Variants in BABAM2 observed in about 807,000 individuals in gnomAD.
BABAM2 encodes the protein BRISC and BRCA1 A complex member 2, also known as BRISC and BRCA1-A complex member 2.
In BABAM2, 31 loss-of-function variants were observed where a neutral mutation model predicts 54.7. The observed-to-expected ratio is 0.57, with a 90% CI of 0.43 to 0.77. BABAM2 has a LOEUF of 0.77. BABAM2 is among the 30% of genes least tolerant of loss of function. The pLI, the probability that BABAM2 is intolerant of heterozygous loss-of-function variation, is 0.00. For synonymous variants in BABAM2, 167 were observed against 162.9 expected (o/e 1.03, Z -0.19); for missense variants, 364 against 455.8 (o/e 0.80, Z 1.83).
At chr2:27,919,366 A>G (rs533778711) in intron 2 of BABAM2, among the ~76,000 whole-genome samples, 123 of 152,348 alleles carry the variant, frequency 8.1e-4, no homozygotes, top group African/African-American at 2.9e-3. Flanking sequence ...CATCCTGGCT[A>G]AGACCTCCAG....
intron 7 of BABAM2, among the ~76,000 whole-genome samples, chr2:28,144,539 A>G (rs1671334823): frequency 6.6e-6 from 1 of 152,214 alleles, no homozygotes; most frequent in African/African-American, 2.4e-5. Context: ...ATTCTTCAGA[A>G]CATGCATGGA....
intron 7 of BABAM2, among the ~76,000 whole-genome samples, chr2:28,164,535 T>TAA (rs143968314): frequency 2.0e-5 from 3 of 147,900 alleles, no homozygotes; most frequent in African/African-American, 5.0e-5. Flanking sequence ...TCCAATGCAT[T>TAA]AAAAAAAAAA....
chr2:28,178,991 G>A (rs1056932346), intron 7 of BABAM2, among the ~76,000 whole-genome samples: 21 of 152,082 alleles, frequency 1.4e-4, no homozygotes, highest in South Asian at 4.2e-4. Context: ...GATTGAATCC[G>A]TAATAAAAAC....
intron 2 of BABAM2, among the ~76,000 whole-genome samples, chr2:27,895,340 C>T (rs955787955): frequency 6.6e-6 from 1 of 152,184 alleles, no homozygotes; most frequent in Non-Finnish European, 1.5e-5. Flanking sequence ...CCAACAGTGA[C>T]AGTTCCTCAA....
intron 11 of BABAM2, among the ~76,000 whole-genome samples, chr2:28,315,433 TTTCTTTTC>T (rs1689457755): frequency 2.9e-5 from 1 of 34,512 alleles, no homozygotes; most frequent in African/African-American, 8.3e-5. Flanking sequence ...TTTCTTTTCT[TTTCTTTTC>T]TTTTCTTTTC....
intron 11 of BABAM2, among the ~76,000 whole-genome samples, chr2:28,320,211 C>T (rs142921109): frequency 4.3e-4 from 65 of 152,338 alleles, no homozygotes; most frequent in Admixed American, 1.0e-3. Flanking sequence ...GGCAGCGAGC[C>T]GACAGCAGCC....
intron 3 of BABAM2, among the ~76,000 whole-genome samples, chr2:27,930,811 A>G (rs1668038409): frequency 1.3e-5 from 2 of 152,220 alleles, no homozygotes; most frequent in African/African-American, 2.4e-5. Context: ...TAGTGTGGAA[A>G]TCACAGTGGC....
intron 3 of BABAM2, among the ~76,000 whole-genome samples, chr2:27,983,952 T>TTTTTTTTTTTTTTTTTTTTTTTTTTTTC (rs1672209970): frequency 7.2e-6 from 1 of 139,480 alleles, no homozygotes; most frequent in African/African-American, 2.7e-5. Flanking sequence ...CTTTTTTTTT[T>TTTTTTTTTTTTTTTTTTTTTTTTTTTTC]TTTTTTTTTG....
At position 28,173,240 on chromosome 2, in the gene BABAM2, G is replaced by A. The variant is rs183914824; in HGVS notation, c.680+43860G>A. Among the ~76,000 whole-genome samples, 520 of 152,232 alleles carry A rather than the reference G, an allele frequency of 3.4e-3. 8 individuals are homozygous for A. The South Asian group carries it at 0.038, about 11-fold the overall frequency. ...CCTTGTGGGGGTTGCCCTGGTACAG[G>A]TTACCATTTACTTCTGATAAGACTC... On this transcript the variant is annotated intron_variant, in intron 7 of 11. Coordinates refer to ENST00000379624, the MANE Select transcript of BABAM2 (RefSeq NM_199191.3).
chr2:27,932,015 T>C (rs2148356417), intron 3 of BABAM2, among the ~76,000 whole-genome samples: 1 of 152,340 alleles, frequency 6.6e-6, no homozygotes, highest in African/African-American at 2.4e-5. Context: ...CCTGCATAAT[T>C]ATCACTGTGA....
intron 4 of BABAM2, among the ~76,000 whole-genome samples, chr2:28,002,008 T>A (rs1218450775): frequency 3.4e-5 from 5 of 148,752 alleles, no homozygotes; most frequent in Non-Finnish European, 5.9e-5. Flanking sequence ...TGATGAATTG[T>A]AGCAGTTAGA....
intron 2 of BABAM2, among the ~76,000 whole-genome samples, chr2:27,899,613 C>G (rs1665624631): frequency 1.3e-5 from 2 of 152,024 alleles, no homozygotes; most frequent in Admixed American, 1.3e-4. Context: ...GCTACAGCGT[C>G]CGCCACCATG....
In BABAM2 at chr2:28,016,327, C is replaced by T. The variant is rs907257398; in HGVS notation, c.301-8899C>T. 2.6e-6 allele frequency: 3 copies of T among 1,134,270 alleles called. No individual in the cohort carries two copies. In the African/African-American group the frequency reaches 4.6e-5, roughly 17 times the overall value. 70.3% of individuals were successfully genotyped at this position (1,134,270 alleles called of 1,614,324 possible). A position where few individuals can be genotyped will look rare whatever the true frequency, so the allele number is the denominator to read the frequency against. On this transcript the variant is annotated intron_variant, in intron 4 of 11. Coordinates refer to ENST00000379624, the MANE Select transcript of BABAM2 (RefSeq NM_199191.3). ...ATTCAACCAAACTCTTGGAGCCTTT[C>T]TTTTTCTTTTCTAGTTGCTCTTTTA...
At chr2:28,109,405 G>A (rs1667804363) in intron 6 of BABAM2, among the ~76,000 whole-genome samples, 1 of 151,898 alleles carries the variant, frequency 6.6e-6, no homozygotes. Flanking sequence ...AGCCAGGATG[G>A]TCTTGATCTC....
At chr2:28,246,700 C>G (rs1222725656) in intron 10 of BABAM2, among the ~76,000 whole-genome samples, 1 of 152,190 alleles carries the variant, frequency 6.6e-6, no homozygotes, top group African/African-American at 2.4e-5. Context: ...CTGTTGATGT[C>G]AGATCATATC....
chr2:27,935,905 T>C (rs1373229217), intron 3 of BABAM2, among the ~76,000 whole-genome samples: 1 of 152,136 alleles, frequency 6.6e-6, no homozygotes, highest in Non-Finnish European at 1.5e-5. Flanking sequence ...TTTATTCTTA[T>C]TTGTATTTTT....
intron 5 of BABAM2, among the ~76,000 whole-genome samples, chr2:28,038,179 C>T (rs1167481052): frequency 3.3e-5 from 5 of 152,046 alleles, no homozygotes; most frequent in Non-Finnish European, 7.4e-5. Context: ...GCTTTATGTA[C>T]AGTTCCCTCT....
intron 5 of BABAM2, among the ~76,000 whole-genome samples, chr2:28,038,432 G>T (rs1243715607): frequency 6.6e-6 from 1 of 152,284 alleles, no homozygotes; most frequent in African/African-American, 2.4e-5. Context: ...TTATTACAGG[G>T]TTATGTTGTG....
chr2:27,936,454 A>G (rs1402794254), intron 3 of BABAM2, among the ~76,000 whole-genome samples: 1 of 152,146 alleles, frequency 6.6e-6, no homozygotes, highest in Non-Finnish European at 1.5e-5. Context: ...CTGGATATAT[A>G]CCCAAAGGAC....
Sources: gnomAD v4.1 joint callset for allele counts (sites outside exome capture counted in the v4.1 genomes callset) on GRCh38, gnomAD v4.1.1 for gene constraint, MANE v1.5 for transcripts, NCBI Gene and HGNC (gene_info 2026-07-23, HGNC 2026-07-21) for gene names.